DUS2: variants seen among roughly 807,000 people sequenced by gnomAD.
DUS2 encodes the protein dihydrouridine synthase 2, also known as tRNA-dihydrouridine(20) synthase [NAD(P)+]-like.
A neutral mutation model predicts 71.3 loss-of-function variants in DUS2; 52 were observed. The ratio of observed to expected loss-of-function variants is 0.73; its 90% CI spans 0.58 to 0.92. DUS2 has a LOEUF of 0.92. Among genes scored for constraint, DUS2 ranks in the 40% least tolerant of loss-of-function variants. The probability of loss-of-function intolerance (pLI) is 0.00; values close to 1 mark genes in which losing one functional copy is unlikely to be tolerated. For missense variants in DUS2, 558 were observed against 622.6 expected, an observed-to-expected ratio of 0.90 and a Z score of 1.10; for synonymous variants, 204 against 227.8, an observed-to-expected ratio of 0.90 and a Z score of 0.94.
At chr16:68,061,240 C>G in intron 8 of DUS2, 127 bp downstream of exon 8, 5 of 979,564 alleles carry the variant, frequency 5.1e-6, no homozygotes, top group Non-Finnish European at 6.1e-6. Context: ...TGAGGCCTAG[C>G]GATTTCCAAA....
At chr16:68,031,385 G>C (rs371708196) in intron 2 of DUS2, among the ~76,000 whole-genome samples, 2 of 151,350 alleles carry the variant, frequency 1.3e-5, no homozygotes, top group East Asian at 4.0e-4. Context: ...GGATGGTCTT[G>C]ATCTCTTTAC....
intron 10 of DUS2, among the ~76,000 whole-genome samples, chr16:68,067,438 T>C (rs2034026891): frequency 7.3e-6 from 1 of 137,244 alleles, no homozygotes; most frequent in Non-Finnish European, 1.6e-5. Context: ...CGCTCCACCA[T>C]GCCCAGCTAA....
intron 3 of DUS2, among the ~76,000 whole-genome samples, chr16:68,041,810 C>T (rs1263445492): frequency 1.8e-5 from 1 of 56,560 alleles, no homozygotes; most frequent in Non-Finnish European, 3.7e-5. Flanking sequence ...AACTCTGTGT[C>T]AAAAAAAAAA....
At position 68,078,427 on chromosome 16, in the gene DUS2, CT is replaced by C. The variant is rs760209001; in HGVS notation, c.1171-14del. On this transcript the variant is annotated splice_polypyrimidine_tract_variant and intron_variant, in intron 15 of 16. Transcript: ENST00000565263. ...GCTCATTTCTCTGGCCATGTGATTC[CT>C]TTTCTCTTTGTATCAGGTTCAACGC... 6.2e-7 allele frequency: 1 copy of C among 1,613,466 alleles called. No individual in the cohort carries two copies. Among genetic ancestry groups the C allele is most frequent in the East Asian group, 2.2e-5 (1 of 44,882 alleles).
chr16:68,052,161 C>T (rs895690802), intron 4 of DUS2, among the ~76,000 whole-genome samples: 1 of 152,122 alleles, frequency 6.6e-6, no homozygotes, highest in African/African-American at 2.4e-5. Context: ...CCGCCTCGGC[C>T]TCCCAAAGTG....
intron 8 of DUS2, among the ~76,000 whole-genome samples, chr16:68,064,727 G>C (rs2033982787): frequency 6.6e-6 from 1 of 152,226 alleles, no homozygotes; most frequent in Non-Finnish European, 1.5e-5. Flanking sequence ...GCAGCACCTA[G>C]AGACTGTTCC....
chr16:68,035,888 A>T (rs1449033076), intron 2 of DUS2, among the ~76,000 whole-genome samples: 1 of 1,840 alleles, frequency 5.4e-4, no homozygotes, highest in African/African-American at 5.8e-4. Flanking sequence ...CTAATTTTAT[A>T]TATATATATA....
chr16:68,078,502 T>C lies in DUS2; in HGVS notation c.1228T>C (p.Tyr410His), dbSNP rs113640230. ...TATTGTCACCGTTGCTGAACAAAAG[T>C]ATCAGTCTACCTTGTGGTAAGTTTC... ...SSIVTVAEQK[Y>H]QSTLWDKSKK... Residue 410 changes from tyrosine (Y) to histidine (H), a missense_variant, in exon 16 of 17, where the codon TAT (tyrosine) becomes CAT (histidine). Transcript: ENST00000565263. 5 of 1,613,958 alleles carry C rather than the reference T, an allele frequency of 3.1e-6. No individual in the cohort carries two copies. In the Admixed American group the frequency reaches 8.3e-5, roughly 27 times the overall value.
intron 13 of DUS2, among the ~76,000 whole-genome samples, chr16:68,074,394 T>C (rs1361099397): frequency 1.3e-5 from 2 of 152,138 alleles, no homozygotes. Flanking sequence ...GATAGAGGAA[T>C]GCAAAGGAAG....
At position 68,070,240 on chromosome 16, in the gene DUS2, C is replaced by T; in HGVS notation, c.641+20C>T. ...AGCCAAGTAAGCCTCCTGTCTTCAT[C>T]ATGTACTCTGTGTCCCACAGAGCTA... On this transcript the variant is annotated intron_variant, in intron 11 of 16. Transcript: ENST00000565263. 6.2e-7 allele frequency: 1 copy of T among 1,609,252 alleles called. No homozygotes were observed. The highest frequency in any genetic ancestry group is 1.1e-5 in the South Asian group (1 of 90,960).
intron 2 of DUS2, among the ~76,000 whole-genome samples, chr16:68,037,065 A>G (rs1042297958): frequency 4.0e-5 from 6 of 151,134 alleles, no homozygotes; most frequent in Admixed American, 6.6e-5. Flanking sequence ...TTTTTTGCCT[A>G]TACTCTCTGG....
intron 14 of DUS2, 30 bp downstream of exon 14, chr16:68,075,534 C>T (rs1852189450): frequency 1.3e-6 from 2 of 1,597,540 alleles, no homozygotes; most frequent in Admixed American, 1.7e-5. Context: ...TCAGCTTGGG[C>T]TAGGGCCAGC....
At chr16:68,058,700 C>G (rs556535776) in intron 7 of DUS2, among the ~76,000 whole-genome samples, 4 of 152,204 alleles carry the variant, frequency 2.6e-5, no homozygotes, top group South Asian at 4.1e-4. Flanking sequence ...ACAGAAGAAA[C>G]TAGTAACATT....
intron 9 of DUS2, 28 bp downstream of exon 9, chr16:68,066,410 T>C (rs2034005883): frequency 6.2e-7 from 1 of 1,609,702 alleles, no homozygotes; most frequent in South Asian, 1.1e-5. Context: ...CATATGAAGG[T>C]CCATTCTCTC....
At chr16:68,034,865 G>T (rs147014076) in intron 2 of DUS2, among the ~76,000 whole-genome samples, 1 of 152,054 alleles carries the variant, frequency 6.6e-6, no homozygotes, top group South Asian at 2.1e-4. Context: ...GCATGGTGGC[G>T]CATGCCTGTA....
intron 12 of DUS2, among the ~76,000 whole-genome samples, chr16:68,073,455 T>C (rs893909901): frequency 6.6e-6 from 1 of 150,546 alleles, no homozygotes; most frequent in African/African-American, 2.4e-5. Flanking sequence ...TTTTCTTTTT[T>C]TTTTTTTTTT....
intron 6 of DUS2, among the ~76,000 whole-genome samples, chr16:68,055,381 G>C (rs778885985): frequency 1.8e-4 from 28 of 152,078 alleles, no homozygotes; most frequent in Non-Finnish European, 1.5e-5. Flanking sequence ...TTGGGCCCAG[G>C]AGGTCGAGGC....
chr16:68,062,472 C>T (rs936071352), intron 8 of DUS2, among the ~76,000 whole-genome samples: 1 of 151,958 alleles, frequency 6.6e-6, no homozygotes, highest in African/African-American at 2.4e-5. Flanking sequence ...GTAATCCCAG[C>T]ACTTTGGGAG....
chr16:68,070,039 TG>T, intron 10 of DUS2, 94 bp from the exon 11 acceptor site: 1 of 1,117,116 alleles, frequency 9.0e-7, no homozygotes, highest in Non-Finnish European at 1.4e-6. Context: ...TGAGGTTCAG[TG>T]GGGAGGACAG....
Sources: gnomAD v4.1 joint callset for allele counts (sites outside exome capture counted in the v4.1 genomes callset) on GRCh38, gnomAD v4.1.1 for gene constraint, MANE v1.5 for transcripts, NCBI Gene and HGNC (gene_info 2026-07-23, HGNC 2026-07-21) for gene names.